Variants in CHLSN observed in about 807,000 individuals in gnomAD.
CHLSN encodes the protein cholesin, also known as protein cholesin.
the CHLSN span, among the ~76,000 whole-genome samples, chr7:1,083,334 G>C: frequency 1.1e-4 from 16 of 152,226 alleles, no homozygotes; most frequent in Admixed American, 9.8e-4. Context: ...GATAGAAGAT[G>C]AGAGTGTGGG....
chr7:1,061,442 C>T, the CHLSN span, among the ~76,000 whole-genome samples: 193 of 152,244 alleles, frequency 1.3e-3, 2 homozygotes, highest in African/African-American at 4.5e-3. Flanking sequence ...CCCCAGGTTC[C>T]CGCCAGCCTC....
At chr7:1,012,249 G>A in the CHLSN span, among the ~76,000 whole-genome samples, 1 of 152,234 alleles carries the variant, frequency 6.6e-6, no homozygotes, top group Admixed American at 6.5e-5. Flanking sequence ...CATGCGTGGG[G>A]CACCCGGACA....
the CHLSN span, among the ~76,000 whole-genome samples, chr7:1,060,112 C>G: frequency 6.6e-6 from 1 of 151,960 alleles, no homozygotes; most frequent in Non-Finnish European, 1.5e-5. Context: ...AGACCTTCCA[C>G]CCATTGGGAT....
chr7:980,553 A>T, the CHLSN span, among the ~76,000 whole-genome samples: 2 of 152,146 alleles, frequency 1.3e-5, no homozygotes, highest in Non-Finnish European at 2.9e-5. Flanking sequence ...TTTTATCAGG[A>T]TGTTCTGTGA....
the CHLSN span, among the ~76,000 whole-genome samples, chr7:981,182 G>C: frequency 2.0e-5 from 3 of 151,916 alleles, no homozygotes; most frequent in South Asian, 6.2e-4. Flanking sequence ...TGTAATCCCA[G>C]CTACCCGGGA....
chr7:1,006,851 C>G, the CHLSN span, among the ~76,000 whole-genome samples: 2 of 152,254 alleles, frequency 1.3e-5, no homozygotes, highest in South Asian at 4.1e-4. Flanking sequence ...CTCCCCAGCC[C>G]TGCTGCACAG....
At chr7:1,084,448 T>C in the CHLSN span, among the ~76,000 whole-genome samples, 2 of 152,256 alleles carry the variant, frequency 1.3e-5, no homozygotes, top group African/African-American at 4.8e-5. Flanking sequence ...TGCACACAGC[T>C]TGATGTCTCC....
At chr7:1,112,705 TAAA>T in the CHLSN span, among the ~76,000 whole-genome samples, 3 of 99,112 alleles carry the variant, frequency 3.0e-5, no homozygotes, top group Admixed American at 1.1e-4. Context: ...TCCAAATGGC[TAAA>T]AAAAAAAAAA....
At chr7:1,132,231 T>C in the CHLSN span, among the ~76,000 whole-genome samples, 2 of 152,194 alleles carry the variant, frequency 1.3e-5, no homozygotes, top group African/African-American at 4.8e-5. Context: ...TTTAAAATTT[T>C]TGTGCTGCAA....
the CHLSN span, among the ~76,000 whole-genome samples, chr7:1,123,977 G>A: frequency 9.7e-4 from 147 of 152,202 alleles, 1 homozygote; most frequent in African/African-American, 3.1e-3. The surrounding 1 kb of genome is among the most constrained non-coding windows in gnomAD (Gnocchi z 4.4). Flanking sequence ...TCAGCTGGGC[G>A]GGCCTGAGAC....
At chr7:1,074,335 A>C in the CHLSN span, 2 of 133,756 alleles carry the variant, frequency 1.5e-5, no homozygotes, top group African/African-American at 5.9e-5. Flanking sequence ...GTCCCACAGC[A>C]CAGGACCTGT....
At chr7:1,013,684 T>A in the CHLSN span, among the ~76,000 whole-genome samples, 1 of 152,186 alleles carries the variant, frequency 6.6e-6, no homozygotes, top group Non-Finnish European at 1.5e-5. Context: ...ACGGGCCTCA[T>A]GGAAGGAAGC....
At chr7:1,099,416 A>G in the CHLSN span, among the ~76,000 whole-genome samples, 3 of 152,340 alleles carry the variant, frequency 2.0e-5, no homozygotes, top group Admixed American at 6.5e-5. Flanking sequence ...GCCACAAAAC[A>G]TTTCCTAAGA....
the CHLSN span, among the ~76,000 whole-genome samples, chr7:1,113,209 C>CTT: frequency 2.8e-5 from 4 of 145,322 alleles, no homozygotes; most frequent in South Asian, 2.2e-4. Flanking sequence ...GCCCCTCATG[C>CTT]TTTTTTTTTT....
the CHLSN span, among the ~76,000 whole-genome samples, chr7:1,062,831 A>T: frequency 6.6e-6 from 1 of 152,156 alleles, no homozygotes; most frequent in Admixed American, 6.5e-5. Context: ...AGAGCAGAGA[A>T]TCTAGGCAGG....
the CHLSN span, among the ~76,000 whole-genome samples, chr7:990,599 C>A: frequency 2.0e-5 from 3 of 152,066 alleles, no homozygotes; most frequent in African/African-American, 4.8e-5. Context: ...GGTGGGGCCG[C>A]AGGGTCCCTA....
the CHLSN span, among the ~76,000 whole-genome samples, chr7:1,054,818 G>A: frequency 3.9e-5 from 6 of 152,212 alleles, no homozygotes; most frequent in Admixed American, 6.5e-5. Flanking sequence ...CCAGATGCAC[G>A]TGCTCCCCTC....
At chr7:1,042,310 G>GGGA in the CHLSN span, among the ~76,000 whole-genome samples, 4 of 152,212 alleles carry the variant, frequency 2.6e-5, no homozygotes, top group Non-Finnish European at 5.9e-5. Context: ...AGCCACACAG[G>GGGA]GGAGGCCACG....
chr7:1,090,577 G>A, the CHLSN span, among the ~76,000 whole-genome samples: 7 of 148,818 alleles, frequency 4.7e-5, no homozygotes, highest in Non-Finnish European at 1.0e-4. Context: ...ACACGGGGCG[G>A]GTGACGGGAC....
Sources: gnomAD v4.1 joint callset for allele counts (sites outside exome capture counted in the v4.1 genomes callset) on GRCh38, gnomAD v4.1.1 for gene constraint, Gnocchi (gnomAD v3.1) non-coding constraint, MANE v1.5 for transcripts, NCBI Gene and HGNC (gene_info 2026-07-23, HGNC 2026-07-21) for gene names.